The following UGT8 variants were observed in gnomAD, a reference collection of about 807,000 sequenced individuals.
UGT8 encodes the protein 2-hydroxyacylsphingosine 1-beta-galactosyltransferase.
UGT8 carries 12 observed loss-of-function variants against 40.5 expected under a neutral mutation model. The ratio of observed to expected loss-of-function variants is 0.30; its 90% CI spans 0.19 to 0.48. UGT8 has a LOEUF of 0.48. UGT8 is among the 20% of genes least tolerant of loss of function. The pLI is 0.99. For missense variants in UGT8, 513 were observed against 648.7 expected (o/e 0.79, Z 2.27); for synonymous variants, 224 against 240.4 (o/e 0.93, Z 0.63).
chr4:114,673,735 A>T (rs534464619), intron 5 of UGT8, among the ~76,000 whole-genome samples: 1 of 152,258 alleles, frequency 6.6e-6, no homozygotes, highest in East Asian at 1.9e-4. Context: ...ATTTTCTAAG[A>T]TGTCACGTTT....
At chr4:114,623,775 A>G in intron 2 of UGT8, 73 bp downstream of exon 2, 2 of 1,472,590 alleles carry the variant, frequency 1.4e-6, no homozygotes, top group Non-Finnish European at 1.8e-6. Context: ...AAGAGATATG[A>G]TTTGTTATTT....
intron 2 of UGT8, among the ~76,000 whole-genome samples, chr4:114,632,002 A>G (rs1309340774): frequency 6.6e-6 from 1 of 152,232 alleles, no homozygotes; most frequent in Non-Finnish European, 1.5e-5. Flanking sequence ...AGATCTAAAT[A>G]GAGTGGCCAT....
chr4:114,663,046 A>G (rs1203246507), intron 2 of UGT8, among the ~76,000 whole-genome samples: 2 of 151,378 alleles, frequency 1.3e-5, no homozygotes, highest in Non-Finnish European at 2.9e-5. Context: ...GATAGTCTCC[A>G]TCTCCTGACC....
chr4:114,674,936 G>A (rs7686301), intron 5 of UGT8, among the ~76,000 whole-genome samples: 132,671 of 152,238 alleles, frequency 0.87, 59,835 homozygotes, highest in East Asian at 1. Flanking sequence ...CATGTTTTTA[G>A]ATTAAAATAA....
Position 114,676,415 on chromosome 4 carries a change from T to A in UGT8, c.*127T>A. 1 of 781,204 alleles carries A rather than the reference T, an allele frequency of 1.3e-6. No individual in the cohort carries two copies. Among genetic ancestry groups the A allele is most frequent in the Non-Finnish European group, 2.0e-6 (1 of 509,636 alleles). 48.4% of individuals were successfully genotyped at this position (781,204 alleles called of 1,614,324 possible). ...TCTAACATGCCCTTATGAGATCTACTAATGAAATTCTGTGGAATTAAGATG... is the reference window on the plus strand; with the variant it reads ...TCTAACATGCCCTTATGAGATCTACAAATGAAATTCTGTGGAATTAAGATG... On this transcript the variant is annotated 3_prime_UTR_variant, in exon 6 of 6. Transcript: ENST00000310836.
At chr4:114,621,227 G>T (rs1731768982) in intron 1 of UGT8, among the ~76,000 whole-genome samples, 1 of 152,126 alleles carries the variant, frequency 6.6e-6, no homozygotes. Flanking sequence ...TGAGTTAAAG[G>T]TACAACATAG....
At chr4:114,660,748 C>T (rs772841885) in intron 2 of UGT8, among the ~76,000 whole-genome samples, 6 of 151,616 alleles carry the variant, frequency 4.0e-5, no homozygotes, top group Non-Finnish European at 7.4e-5. Flanking sequence ...AAAAATTAGC[C>T]GGGCGTAGTG....
intron 1 of UGT8, among the ~76,000 whole-genome samples, chr4:114,621,615 A>T (rs889974146): frequency 3.9e-5 from 6 of 152,212 alleles, no homozygotes; most frequent in Admixed American, 3.3e-4. Flanking sequence ...GAAATTAAAA[A>T]GGTCAGCTCT....
chr4:114,654,454 A>G (rs975511260), intron 2 of UGT8, among the ~76,000 whole-genome samples: 3 of 152,066 alleles, frequency 2.0e-5, no homozygotes, highest in Non-Finnish European at 2.9e-5. Flanking sequence ...TATTATACCT[A>G]TAGTTGAGGA....
chr4:114,653,863 C>T (rs1287471773), intron 2 of UGT8, among the ~76,000 whole-genome samples: 1 of 152,078 alleles, frequency 6.6e-6, no homozygotes, highest in Non-Finnish European at 1.5e-5. Context: ...CTATGAACTT[C>T]TGAGGAGGAA....
chr4:114,618,655 A>G (rs1731583382), intron 1 of UGT8, among the ~76,000 whole-genome samples: 1 of 152,178 alleles, frequency 6.6e-6, no homozygotes, highest in Non-Finnish European at 1.5e-5. Flanking sequence ...TGTGCATTTA[A>G]ATCTAATATT....
At chr4:114,605,772 G>A (rs1001518473) in intron 1 of UGT8, among the ~76,000 whole-genome samples, 1 of 152,060 alleles carries the variant, frequency 6.6e-6, no homozygotes, top group African/African-American at 2.4e-5. Flanking sequence ...TATAAACTCA[G>A]CTTTTATAAG....
intron 2 of UGT8, among the ~76,000 whole-genome samples, chr4:114,632,778 G>T (rs1368926487): frequency 6.6e-6 from 1 of 152,268 alleles, no homozygotes; most frequent in Admixed American, 6.5e-5. Flanking sequence ...TTCCTAGTAC[G>T]ACAGTACTTG....
At chr4:114,634,046 G>A (rs1461219666) in intron 2 of UGT8, among the ~76,000 whole-genome samples, 1 of 152,156 alleles carries the variant, frequency 6.6e-6, no homozygotes, top group Non-Finnish European at 1.5e-5. Context: ...GTAGCTCAGA[G>A]GTGCATTGAT....
chr4:114,640,576 C>T (rs1449202943), intron 2 of UGT8, among the ~76,000 whole-genome samples: 1 of 152,022 alleles, frequency 6.6e-6, no homozygotes, highest in Non-Finnish European at 1.5e-5. Context: ...TTCGTTTTCA[C>T]ACTGCTGATA....
chr4:114,665,281 A>T, intron 3 of UGT8: 2 of 568,456 alleles, frequency 3.5e-6, no homozygotes, highest in Non-Finnish European at 4.5e-6. Flanking sequence ...TTAAGGATTT[A>T]GGGATATTGA....
intron 2 of UGT8, among the ~76,000 whole-genome samples, chr4:114,630,538 C>T (rs1475120584): frequency 3.3e-5 from 5 of 152,108 alleles, no homozygotes; most frequent in African/African-American, 1.2e-4. Context: ...GAATGGTTCT[C>T]AGGAGAGTGG....
At chr4:114,670,904 A>G (rs1735226871) in intron 5 of UGT8, among the ~76,000 whole-genome samples, 1 of 152,226 alleles carries the variant, frequency 6.6e-6, no homozygotes, top group East Asian at 1.9e-4. Flanking sequence ...ATGGTTTTAT[A>G]TTTAGAAAAC....
chr4:114,642,822 A>T (rs989386003), intron 2 of UGT8, among the ~76,000 whole-genome samples: 1 of 152,160 alleles, frequency 6.6e-6, no homozygotes, highest in Admixed American at 6.5e-5. Context: ...TTTAATGACA[A>T]TATTTTAGAA....
Sources: allele counts gnomAD v4.1 joint callset (sites outside exome capture counted in the v4.1 genomes callset), GRCh38; gene constraint gnomAD v4.1.1; transcripts MANE v1.5; gene names NCBI Gene and HGNC (gene_info 2026-07-23, HGNC 2026-07-21).